The following SLC23A2 variants were observed in gnomAD, a reference collection of about 807,000 sequenced individuals.
SLC23A2 encodes solute carrier family 23 member 2.
In SLC23A2, 36 loss-of-function variants were observed where a neutral mutation model predicts 73.3. That is an observed-to-expected ratio of 0.49 (90% CI 0.38 to 0.65). The LOEUF (loss-of-function observed/expected upper bound fraction) is 0.65, where lower values mean the gene tolerates loss of function less well. Among genes scored for constraint, SLC23A2 ranks in the 30% least tolerant of loss-of-function variants. SLC23A2 has a pLI of 0.00. For missense variants in SLC23A2, 507 were observed against 841.6 expected (o/e 0.60, Z 4.92); for synonymous variants, 343 against 327.3 (o/e 1.05, Z -0.52).
At chr20:4,919,673 G>A (rs1274326062) in intron 3 of SLC23A2, among the ~76,000 whole-genome samples, 1 of 152,164 alleles carries the variant, frequency 6.6e-6, no homozygotes, top group Non-Finnish European at 1.5e-5. Context: ...GCTAGGTGAG[G>A]TTTCTAAGAG....
rs6037995 is a variant in SLC23A2, at chr20:4,862,397, C to G, written c.1487-312G>C. 6.6e-6 allele frequency among the ~76,000 whole-genome samples: 1 copy of G among 152,172 alleles called. No homozygotes were observed. The highest frequency in any genetic ancestry group is 1.9e-4 in the East Asian group (1 of 5,194). On this transcript the variant is annotated intron_variant, in intron 14 of 16. Coordinates refer to ENST00000338244, the MANE Select transcript of SLC23A2 (RefSeq NM_005116.6). The surrounding 1 kb of genome is among the most constrained non-coding windows in gnomAD (Gnocchi z 5.1). ...AAACATTTTGATTAAACAGGGAGAC[C>G]TACCTAAATATCTGGTGCATGTCTC...
At chr20:5,002,065 G>A (rs1002091115), upstream of SLC23A2, among the ~76,000 whole-genome samples, 2 of 152,134 alleles carry the variant, frequency 1.3e-5, no homozygotes, top group Admixed American at 1.3e-4. Flanking sequence ...GTTAGGCTAG[G>A]GGCGGGTTCA....
intron 2 of SLC23A2, among the ~76,000 whole-genome samples, chr20:4,957,604 A>C (rs906821358): frequency 6.6e-6 from 1 of 151,210 alleles, no homozygotes; most frequent in African/African-American, 2.4e-5. Flanking sequence ...AAAAGAAAAG[A>C]AAAAAAACCC....
chr20:4,873,045 G>A (rs753336560), intron 11 of SLC23A2, among the ~76,000 whole-genome samples: 9 of 152,188 alleles, frequency 5.9e-5, no homozygotes, highest in South Asian at 2.1e-4. Flanking sequence ...ATGTCCCGCC[G>A]CGCCCGGCCT....
intron 1 of SLC23A2, among the ~76,000 whole-genome samples, chr20:4,984,877 G>A (rs1420069493): frequency 5.3e-5 from 8 of 152,124 alleles, no homozygotes; most frequent in Admixed American, 2.0e-4. Context: ...GGTGGCTCAC[G>A]CCTGTAATCC....
intron 1 of SLC23A2, among the ~76,000 whole-genome samples, chr20:4,971,885 A>T (rs575235636): frequency 7.2e-5 from 11 of 152,226 alleles, no homozygotes; most frequent in Non-Finnish European, 1.2e-4. Context: ...TGATTTAAAA[A>T]AAATAAATAA....
intron 1 of SLC23A2, among the ~76,000 whole-genome samples, chr20:4,994,892 C>T (rs2087993018): frequency 6.6e-6 from 1 of 151,972 alleles, no homozygotes; most frequent in Non-Finnish European, 1.5e-5. Context: ...CAAGATCGCA[C>T]CATTGCACTC....
chr20:4,942,901 C>T (rs1341473394), intron 2 of SLC23A2, among the ~76,000 whole-genome samples: 1 of 152,074 alleles, frequency 6.6e-6, no homozygotes, highest in Non-Finnish European at 1.5e-5. Context: ...CACTAATAGT[C>T]TGCCCAAAGA....
intron 2 of SLC23A2, among the ~76,000 whole-genome samples, chr20:4,948,736 CT>C (rs2087154528): frequency 6.6e-6 from 1 of 152,210 alleles, no homozygotes; most frequent in African/African-American, 2.4e-5. Flanking sequence ...GGAGTGTGTT[CT>C]TCCTAAGCAA....
chr20:4,916,744 G>A (rs927617633), intron 3 of SLC23A2, among the ~76,000 whole-genome samples: 1 of 152,132 alleles, frequency 6.6e-6, no homozygotes, highest in African/African-American at 2.4e-5. Flanking sequence ...GTATTCCGTA[G>A]AAACTGTCAA....
chr20:4,991,615 A>G (rs1050710875), intron 1 of SLC23A2, among the ~76,000 whole-genome samples: 1 of 151,528 alleles, frequency 6.6e-6, no homozygotes, highest in Non-Finnish European at 1.5e-5. Flanking sequence ...CCAGCTACTC[A>G]GGAGGCCGAG....
At chr20:4,865,702 C>A (rs982249114) in intron 13 of SLC23A2, among the ~76,000 whole-genome samples, 8 of 152,032 alleles carry the variant, frequency 5.3e-5, no homozygotes, top group Non-Finnish European at 1.0e-4. Flanking sequence ...TGAATTAGTT[C>A]CAGGACCGCC....
chr20:4,870,377 G>A (rs1290846472), intron 11 of SLC23A2, among the ~76,000 whole-genome samples: 1 of 152,144 alleles, frequency 6.6e-6, no homozygotes, highest in Non-Finnish European at 1.5e-5. Flanking sequence ...AGGAGTTCGA[G>A]ACCAGCCTGG....
At chr20:4,896,392 A>G (rs2122858928) in intron 6 of SLC23A2, among the ~76,000 whole-genome samples, 1 of 152,266 alleles carries the variant, frequency 6.6e-6, no homozygotes, top group East Asian at 1.9e-4. Flanking sequence ...GGTGCAGGCA[A>G]CACACAGCAC....
At chr20:4,929,257 C>A (rs1331379679) in intron 3 of SLC23A2, among the ~76,000 whole-genome samples, 3 of 150,860 alleles carry the variant, frequency 2.0e-5, no homozygotes, top group African/African-American at 7.3e-5. Flanking sequence ...CAGAATGAGA[C>A]CCTGTGTAAA....
At chr20:5,009,096 G>T (rs2088221509) in intron 1 of SLC23A2, among the ~76,000 whole-genome samples, 1 of 152,100 alleles carries the variant, frequency 6.6e-6, no homozygotes, top group Non-Finnish European at 1.5e-5. Context: ...TTTTGCATAT[G>T]CATCTTAATT....
chr20:4,978,447 C>T (rs1323489473), intron 1 of SLC23A2, among the ~76,000 whole-genome samples: 1 of 152,154 alleles, frequency 6.6e-6, no homozygotes, highest in Non-Finnish European at 1.5e-5. Context: ...ATTGTGAACT[C>T]AAAACGAGGA....
At position 4,964,832 on chromosome 20, in the gene SLC23A2, C is replaced by CA. The variant is rs10639211; in HGVS notation, c.-155+5960dup. Among the ~76,000 whole-genome samples the CA allele has an allele frequency of 4.6e-3, 407 of 88,298 alleles. 4 individuals carry two copies. The highest frequency in any genetic ancestry group is 0.013 in the African/African-American group (284 of 22,148). The allele number at this position is 88,298 out of a possible 152,430, so 57.9% of individuals were successfully genotyped here. On this transcript the variant is annotated intron_variant, in intron 2 of 16. Transcript: ENST00000338244. ...GGGTGATGAGAGCAAGACTCTGTCT[C>CA]AAAAAAAAAAAAAAGAAGAAAAGAA... is the stretch of plus-strand genomic sequence containing the variant.
rs1413463465 is a variant in SLC23A2, at chr20:4,853,517, A to C, written c.*3455T>G. 1.3e-5 allele frequency: 2 copies of C among 152,694 alleles called. No homozygotes were observed. The highest frequency in any genetic ancestry group is 3.8e-4 in the East Asian group (2 of 5,204). The allele number at this position is 152,694 out of a possible 1,614,324, so 9.5% of individuals were successfully genotyped here. On this transcript the variant is annotated 3_prime_UTR_variant, in exon 17 of 17. Coordinates refer to ENST00000338244, the MANE Select transcript of SLC23A2 (RefSeq NM_005116.6). ...TAAATAAAGTATACACACATACTAG[A>C]GATTCATCAATGGAGAAATTCTATC...
Sources: allele counts gnomAD v4.1 joint callset (sites outside exome capture counted in the v4.1 genomes callset), GRCh38; gene constraint gnomAD v4.1.1; non-coding constraint Gnocchi (gnomAD v3.1); transcripts MANE v1.5; gene names NCBI Gene and HGNC (gene_info 2026-07-23, HGNC 2026-07-21).